The following DEAF1 variants were observed in gnomAD, a reference collection of about 807,000 sequenced individuals.
DEAF1 encodes the protein deformed epidermal autoregulatory factor 1 homolog.
Under a neutral mutation model 58.9 loss-of-function variants are expected in DEAF1, and 53 were observed. That is an observed-to-expected ratio of 0.90 (90% CI 0.72 to 1.13). DEAF1 has a LOEUF of 1.13. Ranked by LOEUF, DEAF1 falls within the 50% of genes most tolerant of loss-of-function variation. DEAF1 has a pLI of 0.00. For missense variants in DEAF1, 685 were observed against 791.4 expected (o/e 0.87, Z 1.61); for synonymous variants, 385 against 340.4 (o/e 1.13, Z -1.44).
Position 694,977 on chromosome 11 carries a change from G to T in DEAF1, c.71C>A (p.Ala24Asp). 1 of 1,071,200 alleles carries T rather than the reference G, an allele frequency of 9.3e-7. No individual in the cohort carries two copies. The highest frequency in any genetic ancestry group is 1.1e-6 in the Non-Finnish European group (1 of 879,506). 66.4% of individuals were successfully genotyped at this position (1,071,200 alleles called of 1,614,324 possible). ...AEAAAVAAAA[A>D]VAAAAAAAAG... Reference sequence around the variant, plus strand: ...CGCGGCCGCGGCCGCCGCCGCCACAGCGGCCGCGGCCGCCACCGCCGCCGC... The same window carrying T: ...CGCGGCCGCGGCCGCCGCCGCCACATCGGCCGCGGCCGCCACCGCCGCCGC... Residue 24 changes from alanine to aspartate, a missense_variant, in exon 1 of 12, where the codon GCT (alanine) becomes GAT (aspartate). This residue lies in a region of DEAF1 where 210 missense variants were observed against 177.3 expected (regional missense o/e 1.18). Coordinates refer to ENST00000382409, the MANE Select transcript of DEAF1 (RefSeq NM_021008.4).
intron 6 of DEAF1, among the ~76,000 whole-genome samples, chr11:682,931 C>G (rs1860439769): frequency 6.6e-6 from 1 of 152,078 alleles, no homozygotes; most frequent in Admixed American, 6.6e-5. Flanking sequence ...GGAGTGGGAA[C>G]CGTTTTCTTG....
chr11:694,702 C>A (rs1215050367), intron 1 of DEAF1, 57 bp downstream of exon 1: 2 of 1,267,938 alleles, frequency 1.6e-6, no homozygotes, highest in Non-Finnish European at 2.0e-6. Context: ...GCGGGGCAGG[C>A]GCGCGGGGTA....
In DEAF1 at chr11:669,172, G is replaced by A. The variant is rs1382379089; in HGVS notation, c.1503+5364C>T. Among the ~76,000 whole-genome samples, 6 of 139,664 alleles carry A rather than the reference G, an allele frequency of 4.3e-5. No homozygotes were observed. In the East Asian group the frequency reaches 1.3e-3, roughly 30 times the overall value. The allele number at this position is 139,664 out of a possible 152,430, so 91.6% of individuals were successfully genotyped here. On this transcript the variant is annotated intron_variant, in intron 10 of 11. Coordinates refer to ENST00000382409, the MANE Select transcript of DEAF1 (RefSeq NM_021008.4). ...TACAGACAGGGTCTCACAATGTCCA[G>A]GCTTGTCTCAAACTCCTGGCCTCAA... is the stretch of plus-strand genomic sequence containing the variant.
intron 1 of DEAF1, among the ~76,000 whole-genome samples, chr11:691,853 T>C (rs1364550153): frequency 6.6e-6 from 1 of 152,114 alleles, no homozygotes. Context: ...AAAAAATGCA[T>C]ACAACAAACC....
At chr11:649,956 G>A (rs556486105) in intron 11 of DEAF1, among the ~76,000 whole-genome samples, 188 of 152,090 alleles carry the variant, frequency 1.2e-3, no homozygotes, top group Non-Finnish European at 2.2e-3. Flanking sequence ...AACCCGGGAC[G>A]TTGAGGTTGC....
At position 667,003 on chromosome 11, in the gene DEAF1, A is replaced by G. The variant is rs1468781147; in HGVS notation, c.1503+7533T>C. ...TGCTTGAGTCCAGGAGTTCAAGACCAGCCTGAGAAACATAGTGAAACCCCA... is the reference window on the plus strand; with the variant it reads ...TGCTTGAGTCCAGGAGTTCAAGACCGGCCTGAGAAACATAGTGAAACCCCA... On this transcript the variant is annotated intron_variant, in intron 10 of 11. Transcript: ENST00000382409. Among the ~76,000 whole-genome samples the G allele has an allele frequency of 2.0e-5, 3 of 152,158 alleles. No homozygotes were observed. In the South Asian group the frequency reaches 6.2e-4, roughly 32 times the overall value.
At position 687,977 on chromosome 11, in the gene DEAF1, C is replaced by T. The variant is rs760535349; in HGVS notation, c.598G>A (p.Asp200Asn). 6.2e-6 allele frequency: 10 copies of T among 1,614,072 alleles called. No homozygotes were observed. The highest frequency in any genetic ancestry group is 5.0e-5 in the Admixed American group (3 of 60,020). Residue 200 changes from aspartate to asparagine, a missense_variant, in exon 4 of 12, where the codon GAC (aspartate) becomes AAC (asparagine). This residue lies in a region of DEAF1 where 132 missense variants were observed against 234.3 expected (regional missense o/e 0.56). Transcript: ENST00000382409. ...CGGCACCGTACGGGCAGCTCACTGT[C>T]GTACACAGAAGGGTCCCAGTTGTAT... ...TKYNWDPSVY[D>N]SELPVRCRNI...
chr11:659,130 A>G (rs901881970), intron 10 of DEAF1, among the ~76,000 whole-genome samples: 13 of 150,816 alleles, frequency 8.6e-5, no homozygotes, highest in Non-Finnish European at 1.9e-4. Flanking sequence ...TGGTGGCTAC[A>G]CCTGTAATCC....
At chr11:691,666 C>T in intron 1 of DEAF1, 68 bp from the exon 2 acceptor site, 2 of 1,428,700 alleles carry the variant, frequency 1.4e-6, no homozygotes, top group Admixed American at 3.7e-5. Context: ...CAGCCTCGCT[C>T]AGGTGCTTCA....
At chr11:680,940 G>C in intron 7 of DEAF1, 23 bp downstream of exon 7, 3 of 1,614,144 alleles carry the variant, frequency 1.9e-6, no homozygotes, top group Non-Finnish European at 2.5e-6. Context: ...CAGTAAACTA[G>C]AGCTGTGTTT....
At chr11:681,153 TCCTCC>T in intron 6 of DEAF1, 64 bp from the exon 7 acceptor site, 1 of 1,610,496 alleles carries the variant, frequency 6.2e-7, no homozygotes. Flanking sequence ...CGCTTGCAAC[TCCTCC>T]TTAAGTGGGG....
In DEAF1 at chr11:700,843, C is replaced by T. The variant is rs114203107; in HGVS notation, c.-438+5729G>A. 2,564 of 824,976 alleles carry T rather than the reference C, an allele frequency of 3.1e-3. 28 individuals carry two copies. The African/African-American group carries it at 0.036, about 12-fold the overall frequency. 51.1% of individuals were successfully genotyped at this position (824,976 alleles called of 1,614,324 possible). Reference sequence around the variant, plus strand: ...CCAAACTGCTTACCCAGTTGCTTTGCAGGCTCACCTTACAGTGTCATTAAG... The same window carrying T: ...CCAAACTGCTTACCCAGTTGCTTTGTAGGCTCACCTTACAGTGTCATTAAG... On this transcript the variant is annotated intron_variant, in intron 1 of 11. Transcript: ENST00000683307.
chr11:647,718 C>G (rs1858566001), intron 11 of DEAF1, among the ~76,000 whole-genome samples: 1 of 152,208 alleles, frequency 6.6e-6, no homozygotes, highest in Non-Finnish European at 1.5e-5. Context: ...CTGGGCGATC[C>G]AACTCATGTG....
intron 7 of DEAF1, 25 bp from the exon 8 acceptor site, chr11:679,841 C>T (rs771252519): frequency 3.6e-5 from 58 of 1,611,380 alleles, no homozygotes; most frequent in Non-Finnish European, 4.5e-5. Context: ...GCACATTTCA[C>T]GCGGCCAGGC....
chr11:686,284 T>C (rs1178362222), intron 5 of DEAF1, among the ~76,000 whole-genome samples: 1 of 132,254 alleles, frequency 7.6e-6, no homozygotes, highest in Non-Finnish European at 1.6e-5. Flanking sequence ...AGGGTGAGAC[T>C]CTGTCTCAAA....
intron 1 of DEAF1, among the ~76,000 whole-genome samples, chr11:693,891 G>T (rs905947593): frequency 1.3e-5 from 2 of 152,146 alleles, no homozygotes; most frequent in Non-Finnish European, 2.9e-5. Context: ...GGGGCAGGAG[G>T]AGCAGGTCCT....
chr11:703,811 G>A lies in DEAF1; in HGVS notation c.-438+2761C>T, dbSNP rs892612272. ...ACTTCTCCCTTCAGGGGCTTCGGAGGAGAGGTCAGGGCTAAGGCCGGGGAT... is the reference window on the plus strand; with the variant it reads ...ACTTCTCCCTTCAGGGGCTTCGGAGAAGAGGTCAGGGCTAAGGCCGGGGAT... On this transcript the variant is annotated intron_variant, in intron 1 of 11. Transcript: ENST00000683307. 34 of 1,232,940 alleles carry A rather than the reference G, an allele frequency of 2.8e-5. No individual in the cohort carries two copies. In the South Asian group the frequency reaches 4.5e-4, roughly 16 times the overall value. The allele number at this position is 1,232,940 out of a possible 1,614,324, so 76.4% of individuals were successfully genotyped here.
At chr11:651,429 AAT>A in intron 11 of DEAF1, 1 of 327,848 alleles carries the variant, frequency 3.1e-6, no homozygotes, top group Non-Finnish European at 5.8e-6. Context: ...AAAAAAAAAA[AAT>A]TAAATAAAAA....
intron 4 of DEAF1, among the ~76,000 whole-genome samples, 185 bp downstream of exon 4, chr11:687,726 T>C (rs967752605): frequency 6.6e-6 from 1 of 152,118 alleles, no homozygotes; most frequent in South Asian, 2.1e-4. Flanking sequence ...CTCGATCTCC[T>C]GACCTCTGAT....
Sources: allele counts gnomAD v4.1 joint callset (sites outside exome capture counted in the v4.1 genomes callset), GRCh38; gene constraint gnomAD v4.1.1; regional missense constraint gnomAD v4.1.1; transcripts MANE v1.5; gene names NCBI Gene and HGNC (gene_info 2026-07-23, HGNC 2026-07-21).